MAPK10: variants seen among roughly 807,000 people sequenced by gnomAD.
MAPK10 encodes the protein mitogen-activated protein kinase 10.
MAPK10 carries 25 observed loss-of-function variants against 59.3 expected under a neutral mutation model. The ratio of observed to expected loss-of-function variants is 0.42; its 90% CI spans 0.31 to 0.59. MAPK10 has a LOEUF of 0.59. Ranked by LOEUF, MAPK10 falls within the 20% of genes least tolerant of loss-of-function variation. MAPK10 has a pLI of 0.15. For synonymous variants in MAPK10, 190 were observed against 200.5 expected, an observed-to-expected ratio of 0.95 and a Z score of 0.44; for missense variants, 351 against 568.9, an observed-to-expected ratio of 0.62 and a Z score of 3.90.
intron 1 of MAPK10, among the ~76,000 whole-genome samples, chr4:86,566,671 T>C (rs971868086): frequency 3.3e-5 from 5 of 151,964 alleles, no homozygotes; most frequent in Non-Finnish European, 7.4e-5. Context: ...GCCGACACAG[T>C]ACCACTGCAC....
chr4:86,417,932 T>C (rs895077735), intron 1 of MAPK10, among the ~76,000 whole-genome samples: 1 of 152,200 alleles, frequency 6.6e-6, no homozygotes, highest in African/African-American at 2.4e-5. Flanking sequence ...TGTAGAAATT[T>C]TTCTGTTACA....
intron 3 of MAPK10, chr4:86,160,630 T>C (rs1178692930): frequency 6.6e-6 from 1 of 151,986 alleles, no homozygotes; most frequent in Non-Finnish European, 1.5e-5. Context: ...AAGTGAGATG[T>C]GAGACATTCC....
intron 1 of MAPK10, among the ~76,000 whole-genome samples, chr4:86,515,674 G>A (rs1238681333): frequency 6.6e-6 from 1 of 151,910 alleles, no homozygotes; most frequent in Non-Finnish European, 1.5e-5. Flanking sequence ...CCCACTTTTT[G>A]ATGGGATTAT....
chr4:86,315,574 G>C (rs2095765558), intron 2 of MAPK10, among the ~76,000 whole-genome samples: 1 of 151,972 alleles, frequency 6.6e-6, no homozygotes, highest in Non-Finnish European at 1.5e-5. Flanking sequence ...ATATTTAAAT[G>C]CATTTCAGAA....
intron 1 of MAPK10, among the ~76,000 whole-genome samples, chr4:86,421,948 A>G (rs1260324421): frequency 4.0e-5 from 6 of 151,478 alleles, no homozygotes; most frequent in Non-Finnish European, 2.9e-5. Flanking sequence ...TGCTCACTGT[A>G]CTCCAGCCTC....
rs957395199 is a variant in MAPK10, at chr4:86,014,136, A to G, written c.*3092T>C. ...ACTGCCCCAAAGGAAGCCTAACAGA[A>G]GGTTAGGCTCCTCAGAGTGCCAACT... is the stretch of plus-strand genomic sequence containing the variant. On this transcript the variant is annotated 3_prime_UTR_variant, in exon 14 of 14. Coordinates refer to ENST00000641462, the MANE Select transcript of MAPK10 (RefSeq NM_138982.4). The G allele has an allele frequency of 6.6e-6, 1 of 152,166 alleles. No homozygotes were observed. Among genetic ancestry groups the G allele is most frequent in the Non-Finnish European group, 1.5e-5 (1 of 68,036 alleles). The allele number at this position is 152,166 out of a possible 1,614,324, so 9.4% of individuals were successfully genotyped here. A position where few individuals can be genotyped will look rare whatever the true frequency, so the allele number is the denominator to read the frequency against.
At chr4:86,186,484 A>G (rs566585251) in intron 3 of MAPK10, among the ~76,000 whole-genome samples, 1 of 152,250 alleles carries the variant, frequency 6.6e-6, no homozygotes, top group African/African-American at 2.4e-5. Context: ...TGCAAAAACA[A>G]TGTTTTGTTT....
At chr4:86,469,052 ATATGAAGGCTTGTTATGTGGCTTGT>A (rs770264896) in intron 1 of MAPK10, among the ~76,000 whole-genome samples, 2 of 152,110 alleles carry the variant, frequency 1.3e-5, no homozygotes, top group African/African-American at 2.4e-5. Flanking sequence ...GCCTTCAGAT[ATATGAAGGCTTGTTATGTGGCTTGT>A]TATGAAGGCT....
At chr4:86,235,638 T>C (rs1411243840) in intron 2 of MAPK10, among the ~76,000 whole-genome samples, 1 of 152,190 alleles carries the variant, frequency 6.6e-6, no homozygotes, top group East Asian at 1.9e-4. Flanking sequence ...GTACTGCTAA[T>C]GTAAAGACAA....
At chr4:86,459,315 A>G (rs1470645959) in intron 1 of MAPK10, among the ~76,000 whole-genome samples, 1 of 152,230 alleles carries the variant, frequency 6.6e-6, no homozygotes, top group Non-Finnish European at 1.5e-5. Context: ...GGGAACATAA[A>G]CTAGTAAAAC....
chr4:86,086,462 C>A (rs1029124157), intron 9 of MAPK10, among the ~76,000 whole-genome samples: 1 of 151,944 alleles, frequency 6.6e-6, no homozygotes, highest in African/African-American at 2.4e-5. Flanking sequence ...TTCCATCTTC[C>A]ATGATGTGAT....
At chr4:86,026,829 T>G (rs866435786) in intron 13 of MAPK10, 19 of 152,338 alleles carry the variant, frequency 1.2e-4, no homozygotes, top group African/African-American at 4.3e-4. Flanking sequence ...TCCAGCATAG[T>G]TTATTATACA....
At chr4:86,056,942 ATTTATTTTATTTTAT>A (rs573398020) in intron 11 of MAPK10, among the ~76,000 whole-genome samples, 1 of 111,790 alleles carries the variant, frequency 8.9e-6, no homozygotes, top group Admixed American at 7.8e-5. Flanking sequence ...TTTTTTGTTT[ATTTATTTTATTTTAT>A]TTTATTTTAT....
intron 1 of MAPK10, among the ~76,000 whole-genome samples, chr4:86,558,720 G>A (rs563522756): frequency 6.6e-6 from 1 of 151,608 alleles, no homozygotes; most frequent in East Asian, 1.9e-4. Flanking sequence ...TTTCTTCTTT[G>A]CTACAAAATG....
intron 12 of MAPK10, among the ~76,000 whole-genome samples, chr4:86,030,138 C>T (rs1456174099): frequency 1.3e-5 from 2 of 152,054 alleles, no homozygotes; most frequent in Admixed American, 6.6e-5. Flanking sequence ...TATTCATGAG[C>T]CCCTAAGGAG....
chr4:86,169,408 G>A (rs919164850), intron 3 of MAPK10, among the ~76,000 whole-genome samples: 11 of 152,200 alleles, frequency 7.2e-5, no homozygotes, highest in African/African-American at 1.4e-4. Flanking sequence ...CCAGAACTAC[G>A]TGAAGAATGC....
At chr4:86,126,199 T>G (rs1409190879) in intron 4 of MAPK10, among the ~76,000 whole-genome samples, 1 of 152,120 alleles carries the variant, frequency 6.6e-6, no homozygotes, top group East Asian at 1.9e-4. Context: ...TTAGCTATTT[T>G]GTAGGCCCCT....
At chr4:86,523,617 T>A (rs193042784) in intron 1 of MAPK10, among the ~76,000 whole-genome samples, 27 of 152,362 alleles carry the variant, frequency 1.8e-4, no homozygotes, top group Middle Eastern at 6.8e-3. Context: ...AACATTTATA[T>A]ACATTTGGCT....
intron 2 of MAPK10, among the ~76,000 whole-genome samples, chr4:86,264,888 C>CTTTTTTTTTTTTTTTT (rs397879051): frequency 1.0e-5 from 1 of 95,274 alleles, no homozygotes; most frequent in Admixed American, 1.3e-4. Flanking sequence ...TGGCCCTGGA[C>CTTTTTTTTTTTTTTTT]TTTTTTTTTT....
Sources: allele counts gnomAD v4.1 joint callset (sites outside exome capture counted in the v4.1 genomes callset), GRCh38; gene constraint gnomAD v4.1.1; transcripts MANE v1.5; gene names NCBI Gene and HGNC (gene_info 2026-07-23, HGNC 2026-07-21).